ARHGAP23: variants seen among roughly 807,000 people sequenced by gnomAD.
ARHGAP23 encodes the protein rho GTPase-activating protein 23.
ARHGAP23 carries 34 observed loss-of-function variants against 136.3 expected under a neutral mutation model. The observed-to-expected ratio is 0.25, with a 90% CI of 0.19 to 0.33. The LOEUF is 0.33. ARHGAP23 is among the 10% of genes least tolerant of loss of function. The pLI is 1.00. For synonymous variants in ARHGAP23, 832 were observed against 920.5 expected (o/e 0.90, Z 1.74); for missense variants, 1,808 against 2,139.0 (o/e 0.85, Z 3.05).
chr17:38,495,709 G>C (rs1056373616), intron 20 of ARHGAP23, among the ~76,000 whole-genome samples: 9 of 152,146 alleles, frequency 5.9e-5, no homozygotes, highest in South Asian at 2.1e-4. Context: ...CATTCCCCTA[G>C]GTGCCCACTC....
chr17:38,453,876 G>T (rs1297131033), intron 1 of ARHGAP23: 1 of 144,886 alleles, frequency 6.9e-6, no homozygotes, highest in Non-Finnish European at 1.5e-5. Flanking sequence ...GCCTAGCAGC[G>T]GCCCCGGGCC....
Position 38,462,879 on chromosome 17 carries a change from A to G in ARHGAP23, c.287A>G (p.Asp96Gly). ...CCCCGGTACCGCCTGGAGCCCATGG[A>G]CACCATCTTTGTCAAGAATGTGAAG... Reference protein sequence around the residue: ...PSPRYRLEPMDTIFVKNVKED... With the variant: ...PSPRYRLEPMGTIFVKNVKED... The change falls in exon 4 of 24, where the codon GAC becomes GGC. Residue 96 changes from aspartate to glycine, a missense_variant. Transcript: ENST00000622683. 1 of 1,533,680 alleles carries G rather than the reference A, an allele frequency of 6.5e-7. No individual in the cohort carries two copies. The highest frequency in any genetic ancestry group is 8.8e-7 in the Non-Finnish European group (1 of 1,141,690).
chr17:38,459,923 C>G (rs1378138155), intron 2 of ARHGAP23, among the ~76,000 whole-genome samples: 1 of 152,222 alleles, frequency 6.6e-6, no homozygotes, highest in Non-Finnish European at 1.5e-5. Flanking sequence ...TGTGACCCAC[C>G]CTGTCCTCAT....
intron 1 of ARHGAP23, among the ~76,000 whole-genome samples, chr17:38,441,323 G>A (rs1453442614): frequency 6.6e-6 from 1 of 152,242 alleles, no homozygotes; most frequent in East Asian, 1.9e-4. Flanking sequence ...ATAGCTCAGG[G>A]CTGGCGTACT....
chr17:38,461,062 C>T, intron 3 of ARHGAP23, 130 bp downstream of exon 3: 34 of 1,463,158 alleles, frequency 2.3e-5, no homozygotes, highest in Non-Finnish European at 3.0e-5. Flanking sequence ...CCTGCCTTTG[C>T]TCCTGTCTGT....
At chr17:38,475,559 C>T (rs909863133) in intron 11 of ARHGAP23, among the ~76,000 whole-genome samples, 3 of 152,314 alleles carry the variant, frequency 2.0e-5, no homozygotes, top group Admixed American at 6.5e-5. Flanking sequence ...CTGCCAGCCA[C>T]GGGGTCTCTT....
intron 1 of ARHGAP23, among the ~76,000 whole-genome samples, chr17:38,420,753 A>G (rs541108065): frequency 6.6e-6 from 1 of 152,218 alleles, no homozygotes; most frequent in East Asian, 1.9e-4. Flanking sequence ...CTTGGGCATT[A>G]ATTTAAATGG....
chr17:38,471,082 A>G (rs901989361), intron 10 of ARHGAP23, among the ~76,000 whole-genome samples: 2 of 150,292 alleles, frequency 1.3e-5, no homozygotes, highest in African/African-American at 4.9e-5. Context: ...CCTCCTGAGT[A>G]GCTGGGATTA....
At chr17:38,485,648 G>A (rs1350470401) in intron 16 of ARHGAP23, among the ~76,000 whole-genome samples, 3 of 152,186 alleles carry the variant, frequency 2.0e-5, no homozygotes, top group Non-Finnish European at 4.4e-5. Flanking sequence ...AGCCAGTTGT[G>A]TGGAGGCGGG....
At chr17:38,461,242 C>T (rs1827817696) in intron 3 of ARHGAP23, among the ~76,000 whole-genome samples, 1 of 152,244 alleles carries the variant, frequency 6.6e-6, no homozygotes, top group African/African-American at 2.4e-5. Context: ...CTGGCCCCTG[C>T]CCTCAAGCTG....
chr17:38,442,092 A>C (rs550893251), intron 1 of ARHGAP23, among the ~76,000 whole-genome samples: 1 of 152,278 alleles, frequency 6.6e-6, no homozygotes, highest in East Asian at 1.9e-4. Context: ...AGTAGCTGGG[A>C]CTACAGGCGT....
chr17:38,420,130 C>A (rs935972963), intron 1 of ARHGAP23, among the ~76,000 whole-genome samples: 1 of 152,198 alleles, frequency 6.6e-6, no homozygotes, highest in Non-Finnish European at 1.5e-5. Context: ...TGAAGACCCC[C>A]TCTGGTCAGA....
At chr17:38,433,615 A>G (rs181415495) in intron 1 of ARHGAP23, among the ~76,000 whole-genome samples, 3 of 152,310 alleles carry the variant, frequency 2.0e-5, no homozygotes, top group African/African-American at 7.2e-5. Context: ...TCAGCACTAT[A>G]TGATAGGAAA....
chr17:38,434,785 T>C (rs1393877997), intron 1 of ARHGAP23, among the ~76,000 whole-genome samples: 1 of 152,196 alleles, frequency 6.6e-6, no homozygotes, highest in Non-Finnish European at 1.5e-5. Flanking sequence ...CTTTTTAATT[T>C]CCCCAAAAGT....
intron 1 of ARHGAP23, among the ~76,000 whole-genome samples, chr17:38,432,651 T>C (rs73300643): frequency 0.22 from 32,581 of 151,524 alleles, 8,747 homozygotes; most frequent in African/African-American, 0.64. Context: ...TGCATTCTAG[T>C]CTGAGTGACA....
At position 38,465,685 on chromosome 17, in the gene ARHGAP23, C is replaced by T. The variant is rs182576175; in HGVS notation, c.484-482C>T. Among the ~76,000 whole-genome samples, 669 of 152,316 alleles carry T rather than the reference C, an allele frequency of 4.4e-3. 7 individuals carry two copies. Among genetic ancestry groups the T allele is most frequent in the African/African-American group, 0.015 (627 of 41,566 alleles). On this transcript the variant is annotated intron_variant, in intron 6 of 23. Transcript: ENST00000622683. ...GGCTCAGGAGCCAGCTCCCCATTCCCGGGGATGGAGGGACAGCTGGGCTCT... is the reference window on the plus strand; with the variant it reads ...GGCTCAGGAGCCAGCTCCCCATTCCTGGGGATGGAGGGACAGCTGGGCTCT...
chr17:38,470,391 A>G (rs941223863), intron 10 of ARHGAP23, among the ~76,000 whole-genome samples: 1 of 152,212 alleles, frequency 6.6e-6, no homozygotes, highest in Non-Finnish European at 1.5e-5. Flanking sequence ...ACCCTCAGTC[A>G]GTATTTGCAT....
upstream of ARHGAP23, among the ~76,000 whole-genome samples, chr17:38,426,223 G>A (rs1413329962): frequency 6.6e-6 from 1 of 151,902 alleles, no homozygotes; most frequent in Non-Finnish European, 1.5e-5. Context: ...CAGGAACAGG[G>A]ACCTGGTGGA....
At chr17:38,421,640 C>T (rs1311670386) in intron 1 of ARHGAP23, among the ~76,000 whole-genome samples, 2 of 152,232 alleles carry the variant, frequency 1.3e-5, no homozygotes, top group Non-Finnish European at 2.9e-5. Context: ...GGGAGCATGC[C>T]TGGAATCTCT....
Sources: gnomAD v4.1 joint callset for allele counts (sites outside exome capture counted in the v4.1 genomes callset) on GRCh38, gnomAD v4.1.1 for gene constraint, MANE v1.5 for transcripts, NCBI Gene and HGNC (gene_info 2026-07-23, HGNC 2026-07-21) for gene names.